Variants in IQSEC1 observed in about 807,000 individuals in gnomAD.
The protein encoded by IQSEC1 is IQ motif and SEC7 domain-containing protein 1.
In IQSEC1, 31 loss-of-function variants were observed where a neutral mutation model predicts 91.0. That is an observed-to-expected ratio of 0.34 (90% CI 0.26 to 0.46). The LOEUF (loss-of-function observed/expected upper bound fraction) is 0.46, where lower values mean the gene tolerates loss of function less well. Among genes scored for constraint, IQSEC1 ranks in the 20% least tolerant of loss-of-function variants. The probability of loss-of-function intolerance (pLI) is 1.00; values close to 1 mark genes in which losing one functional copy is unlikely to be tolerated. For synonymous variants in IQSEC1, 699 were observed against 662.6 expected (o/e 1.05, Z -0.84); for missense variants, 1,388 against 1,575.6 (o/e 0.88, Z 2.02).
intron 3 of IQSEC1, among the ~76,000 whole-genome samples, chr3:12,928,775 C>G (rs887688918): frequency 6.6e-6 from 1 of 152,158 alleles, no homozygotes; most frequent in Admixed American, 6.5e-5. Flanking sequence ...GGACCCCCAC[C>G]ACCTCCTCTC....
intron 1 of IQSEC1, among the ~76,000 whole-genome samples, chr3:12,958,141 C>T (rs1233897663): frequency 6.6e-6 from 1 of 152,194 alleles, no homozygotes; most frequent in African/African-American, 2.4e-5. Context: ...TCGAGCTCCC[C>T]CTGCCCTTGC....
chr3:13,201,427 C>A (rs1454431762), intron 1 of IQSEC1, among the ~76,000 whole-genome samples: 1 of 152,216 alleles, frequency 6.6e-6, no homozygotes, highest in African/African-American at 2.4e-5. Context: ...AACTCCTGGG[C>A]TCCAGTGATC....
intron 1 of IQSEC1, among the ~76,000 whole-genome samples, chr3:13,264,385 C>T (rs1251748930): frequency 6.6e-6 from 1 of 152,196 alleles, no homozygotes; most frequent in East Asian, 1.9e-4. Context: ...GAAGGGCGGA[C>T]ACGGTGAAAA....
chr3:12,988,851 G>T (rs1000795373), intron 1 of IQSEC1, among the ~76,000 whole-genome samples: 1 of 152,230 alleles, frequency 6.6e-6, no homozygotes, highest in African/African-American at 2.4e-5. Flanking sequence ...GGTGGGGAAA[G>T]GCATGGACTC....
In IQSEC1 at chr3:12,924,748, G is replaced by A; in HGVS notation, c.1569-6C>T. On this transcript the variant is annotated splice_polypyrimidine_tract_variant and splice_region_variant and intron_variant, in intron 3 of 13. Coordinates refer to ENST00000613206, the MANE Select transcript of IQSEC1 (RefSeq NM_001134382.3). The surrounding 1 kb of genome is among the most constrained non-coding windows in gnomAD (Gnocchi z 6.3). ...GGACTCCCTTCTCAGGCTTCCTGGG[G>A]TAGGACGAGAGGCACACTCAGTCCC... 2.6e-6 allele frequency: 4 copies of A among 1,560,578 alleles called. No homozygotes were observed. Among genetic ancestry groups the A allele is most frequent in the Non-Finnish European group, 2.6e-6 (3 of 1,147,682 alleles).
chr3:13,153,162 T>C (rs358351), intron 2 of IQSEC1, among the ~76,000 whole-genome samples: 49,450 of 151,424 alleles, frequency 0.33, 8,574 homozygotes, highest in East Asian at 0.53. Flanking sequence ...CTCTCAGGGC[T>C]GACCCCCGTG....
chr3:12,956,851 T>C (rs989365027), intron 1 of IQSEC1, among the ~76,000 whole-genome samples: 2 of 152,198 alleles, frequency 1.3e-5, no homozygotes, highest in African/African-American at 2.4e-5. Flanking sequence ...CTCTCTGGGC[T>C]TCTGTGGTCT....
chr3:13,198,247 G>A (rs1028676239), intron 1 of IQSEC1, among the ~76,000 whole-genome samples: 11 of 152,124 alleles, frequency 7.2e-5, no homozygotes, highest in African/African-American at 2.7e-4. Context: ...TGCTTCTCCT[G>A]CTTGTTATGG....
Position 12,983,102 on chromosome 3 carries a change from C to T in IQSEC1, c.24-41237G>A, listed in dbSNP as rs1319373565. On this transcript the variant is annotated intron_variant, in intron 1 of 13. Transcript: ENST00000613206. The surrounding 1 kb of genome is among the most constrained non-coding windows in gnomAD (Gnocchi z 4.3). ...CTCCTGAGGGCCTTCCCCACTGTAA[C>T]TCACTTGCACCTGCCCCTCCTATGA... 1.3e-5 allele frequency among the ~76,000 whole-genome samples: 2 copies of T among 152,164 alleles called. No homozygotes were observed. The highest frequency in any genetic ancestry group is 2.4e-5 in the African/African-American group (1 of 41,444).
At chr3:13,086,017 C>A (rs1013872221) in intron 2 of IQSEC1, among the ~76,000 whole-genome samples, 1 of 152,208 alleles carries the variant, frequency 6.6e-6, no homozygotes, top group African/African-American at 2.4e-5. Flanking sequence ...TAACTTGGGC[C>A]GCCGCAGGGC....
chr3:13,126,966 G>C (rs1356986178), intron 2 of IQSEC1, among the ~76,000 whole-genome samples: 1 of 152,042 alleles, frequency 6.6e-6, no homozygotes, highest in African/African-American at 2.4e-5. Flanking sequence ...GATCCATTTT[G>C]AGTTAAATTT....
rs78921172 is a variant in IQSEC1 at position 13,138,197 on chromosome 3, C to A, written c.302+25907G>T. ...CTGATGGGCACAGCACTCTCTCTCA[C>A]AAGTACACAGGCAGCTTTGGAGTCC... On this transcript the variant is annotated intron_variant, in intron 2 of 15. Transcript: ENST00000648114. 6.4e-3 allele frequency among the ~76,000 whole-genome samples: 980 copies of A among 152,332 alleles called. 11 individuals are homozygous for A. Among genetic ancestry groups the A allele is most frequent in the African/African-American group, 0.022 (933 of 41,566 alleles).
At chr3:13,086,734 G>A (rs928483356) in intron 2 of IQSEC1, among the ~76,000 whole-genome samples, 1 of 152,046 alleles carries the variant, frequency 6.6e-6, no homozygotes, top group Non-Finnish European at 1.5e-5. Context: ...CTCTCTTCAG[G>A]TCTCAGCTTA....
chr3:13,118,631 A>G (rs1576258433), intron 2 of IQSEC1, among the ~76,000 whole-genome samples: 1 of 152,228 alleles, frequency 6.6e-6, no homozygotes, highest in African/African-American at 2.4e-5. Flanking sequence ...CTGAAGTAGA[A>G]TGGTGCTTGC....
intron 2 of IQSEC1, among the ~76,000 whole-genome samples, chr3:13,145,072 C>T (rs1167629096): frequency 6.6e-6 from 1 of 152,206 alleles, no homozygotes; most frequent in Non-Finnish European, 1.5e-5. Context: ...TGAGCTGCTT[C>T]CACCTGTGAA....
chr3:12,939,957 A>G (rs1698599891), intron 2 of IQSEC1, among the ~76,000 whole-genome samples: 1 of 152,210 alleles, frequency 6.6e-6, no homozygotes, highest in Non-Finnish European at 1.5e-5. Context: ...GGCACCCAAC[A>G]CAGTGTCTGG....
At position 13,116,132 on chromosome 3, in the gene IQSEC1, C is replaced by T. The variant is rs546116605; in HGVS notation, c.302+47972G>A. On this transcript the variant is annotated intron_variant, in intron 2 of 15. Coordinates refer to the IQSEC1 transcript ENST00000648114. ...CTGGAGGGTGAGCCAGGCAGAGGCGCGTGGAAGTCCTCCCAGCTCCCTGAG... is the reference window on the plus strand; with the variant it reads ...CTGGAGGGTGAGCCAGGCAGAGGCGTGTGGAAGTCCTCCCAGCTCCCTGAG... 7.2e-5 allele frequency among the ~76,000 whole-genome samples: 11 copies of T among 152,310 alleles called. No homozygotes were observed. In the East Asian group the frequency reaches 7.7e-4, roughly 11 times the overall value.
chr3:13,096,500 G>A (rs957738846), intron 2 of IQSEC1, among the ~76,000 whole-genome samples: 6 of 152,230 alleles, frequency 3.9e-5, no homozygotes, highest in Non-Finnish European at 8.8e-5. Flanking sequence ...GGGGGGCATA[G>A]AGGGCAAGAC....
chr3:13,166,929 C>T (rs968891189), intron 1 of IQSEC1, among the ~76,000 whole-genome samples: 1 of 152,248 alleles, frequency 6.6e-6, no homozygotes. Flanking sequence ...GGCATAACAT[C>T]GCCCGTCCTA....
Sources: gnomAD v4.1 joint callset for allele counts (sites outside exome capture counted in the v4.1 genomes callset) on GRCh38, gnomAD v4.1.1 for gene constraint, Gnocchi (gnomAD v3.1) non-coding constraint, MANE v1.5 for transcripts, NCBI Gene and HGNC (gene_info 2026-07-23, HGNC 2026-07-21) for gene names.